The following SDF4 variants were observed in gnomAD, a reference collection of about 807,000 sequenced individuals.
SDF4 encodes the protein stromal cell derived factor 4.
A neutral mutation model predicts 34.2 loss-of-function variants in SDF4; 22 were observed. That is an observed-to-expected ratio of 0.64 (90% CI 0.46 to 0.92). SDF4 has a LOEUF of 0.92. SDF4 is among the 40% of genes least tolerant of loss of function. The probability of loss-of-function intolerance (pLI) is 0.00; values close to 1 mark genes in which losing one functional copy is unlikely to be tolerated. For synonymous variants in SDF4, 236 were observed against 203.1 expected (o/e 1.16, Z -1.38); for missense variants, 447 against 499.9 (o/e 0.89, Z 1.01).
chr1:1,223,357 C>T lies in SDF4; in HGVS notation c.443G>A (p.Gly148Asp). Residue 148 changes from glycine (G) to aspartate (D), a missense_variant and splice_region_variant, in exon 4 of 7, where the codon GGT (glycine) becomes GAT (aspartate). Transcript: ENST00000360001. ...HFRAVDPDGD[G>D]HVSWDEYKVK... The stretch of plus-strand genomic sequence containing the variant: ...CTTATACTCGTCCCAAGACACGTGA[C>T]CTGGAAGAGCAGATCACACCTGTCA... 3 of 1,601,348 alleles carry T rather than the reference C, an allele frequency of 1.9e-6. No individual in the cohort carries two copies. The highest frequency in any genetic ancestry group is 2.6e-6 in the Non-Finnish European group (3 of 1,170,480).
Position 1,218,609 on chromosome 1 carries a change from G to A in SDF4, c.740C>T (p.Ser247Phe), listed in dbSNP as rs1232969005. 4 of 1,614,002 alleles carry A rather than the reference G, an allele frequency of 2.5e-6. No homozygotes were observed. Among genetic ancestry groups the A allele is most frequent in the East Asian group, 4.5e-5 (2 of 44,880 alleles). ...DLDQDGDKQL[S>F]VPEFISLPVG... The stretch of plus-strand genomic sequence containing the variant: ...GGGCAGGGAGATGAACTCGGGCACA[G>A]AGAGCTGCTTGTCACCGTCCTGGTC... Residue 247 changes from serine to phenylalanine, a missense_variant, in exon 6 of 7, where the codon TCT (serine) becomes TTT (phenylalanine). By Grantham distance (155) the Ser-to-Phe change is radical. Coordinates refer to ENST00000360001, the MANE Select transcript of SDF4 (RefSeq NM_016176.6). This position sits in a 1 kb window ranked among gnomAD's most constrained non-coding sequence, Gnocchi z 7.9.
At chr1:1,226,954 C>T (rs888311182) in intron 2 of SDF4, among the ~76,000 whole-genome samples, 47 of 152,166 alleles carry the variant, frequency 3.1e-4, no homozygotes, top group African/African-American at 1.1e-3. Context: ...GCAGCCTCTT[C>T]GTGGGTTGGT....
Position 1,217,447 on chromosome 1 carries a change from C to T in SDF4, c.*65G>A. On this transcript the variant is annotated 3_prime_UTR_variant, in exon 7 of 7. Coordinates refer to ENST00000360001, the MANE Select transcript of SDF4 (RefSeq NM_016176.6). The surrounding 1 kb of genome is among the most constrained non-coding windows in gnomAD (Gnocchi z 8.5). ...GGTGGGGTCCGGGACAGCCACGGAG[C>T]CCGGAGTCACCCGCGAGGCCGCCCC... 1 of 1,333,814 alleles carries T rather than the reference C, an allele frequency of 7.5e-7. No individual in the cohort carries two copies. The highest frequency in any genetic ancestry group is 9.7e-7 in the Non-Finnish European group (1 of 1,030,770). 82.6% of individuals were successfully genotyped at this position (1,333,814 alleles called of 1,614,324 possible). A position where few individuals can be genotyped will look rare whatever the true frequency, so the allele number is the denominator to read the frequency against.
At chr1:1,223,154 G>T in intron 4 of SDF4, 90 bp downstream of exon 4, 2 of 901,940 alleles carry the variant, frequency 2.2e-6, no homozygotes, top group South Asian at 2.7e-5. Flanking sequence ...ACTCATACAC[G>T]ACACACACGG....
In SDF4 at chr1:1,223,987, G is replaced by A. The variant is rs752964238; in HGVS notation, c.306-19C>T. The A allele has an allele frequency of 5.6e-6, 9 of 1,607,876 alleles. No individual in the cohort carries two copies. Among genetic ancestry groups the A allele is most frequent in the Non-Finnish European group, 4.2e-6 (5 of 1,179,320 alleles). ...ATCCACCCTGCAAGACAGCAAATGGGCAGGTGGCCGTCAGACTGGGCCCCC... is the reference window on the plus strand; with the variant it reads ...ATCCACCCTGCAAGACAGCAAATGGACAGGTGGCCGTCAGACTGGGCCCCC... On this transcript the variant is annotated intron_variant, in intron 2 of 6. Transcript: ENST00000360001.
chr1:1,231,079 T>C (rs1293781770), intron 1 of SDF4, among the ~76,000 whole-genome samples: 2 of 152,162 alleles, frequency 1.3e-5, no homozygotes, highest in African/African-American at 4.8e-5. Context: ...AACAAAAAGA[T>C]AAGACCCTGT....
At position 1,231,034 on chromosome 1, in the gene SDF4, C is replaced by T. The variant is rs181586022; in HGVS notation, c.-175+858G>A. On this transcript the variant is annotated intron_variant, in intron 1 of 6. Coordinates refer to ENST00000360001, the MANE Select transcript of SDF4 (RefSeq NM_016176.6). Reference sequence around the variant, plus strand: ...AGGAGGATCGTGAGACCAGCCTGGGCAACACAGTGAGACTGCGTCTCTTTA... The same window carrying T: ...AGGAGGATCGTGAGACCAGCCTGGGTAACACAGTGAGACTGCGTCTCTTTA... Among the ~76,000 whole-genome samples, 219 of 152,262 alleles carry T rather than the reference C, an allele frequency of 1.4e-3. 1 individual carries two copies. The highest frequency in any genetic ancestry group is 0.01 in the East Asian group (53 of 5,182).
At chr1:1,229,104 C>T (rs1194428557) in intron 1 of SDF4, among the ~76,000 whole-genome samples, 158 bp from the exon 2 acceptor site, 3 of 151,974 alleles carry the variant, frequency 2.0e-5, no homozygotes, top group Admixed American at 2.0e-4. Flanking sequence ...CCAGACCACA[C>T]GTGGCATTGT....
chr1:1,228,217 C>G (rs999477280), intron 2 of SDF4, among the ~76,000 whole-genome samples: 1 of 152,238 alleles, frequency 6.6e-6, no homozygotes, highest in Non-Finnish European at 1.5e-5. Flanking sequence ...CTAGGGACGG[C>G]CACACAGGCC....
chr1:1,228,428 C>T lies in SDF4; in HGVS notation c.305+40G>A, dbSNP rs764292103. The T allele has an allele frequency of 3.9e-5, 59 of 1,495,468 alleles. No homozygotes were observed. The African/African-American group carries it at 6.0e-4, about 15-fold the overall frequency. 92.6% of individuals were successfully genotyped at this position (1,495,468 alleles called of 1,614,324 possible). A position where few individuals can be genotyped will look rare whatever the true frequency, so the allele number is the denominator to read the frequency against. The stretch of plus-strand genomic sequence containing the variant: ...GGATAGGAACACACAGGCGAGCGCA[C>T]GCGGACAGCCCCCCAGTCTGGGCAC... On this transcript the variant is annotated intron_variant, in intron 2 of 6. Coordinates refer to ENST00000360001, the MANE Select transcript of SDF4 (RefSeq NM_016176.6).
At chr1:1,220,425 G>A in intron 4 of SDF4, 1 of 1,181,062 alleles carries the variant, frequency 8.5e-7, no homozygotes, top group Non-Finnish European at 1.1e-6. Context: ...CAGGAGCCAT[G>A]CAGGGAGGGG....
chr1:1,220,570 C>T (rs905808782), intron 4 of SDF4: 46 of 1,281,182 alleles, frequency 3.6e-5, no homozygotes, highest in Non-Finnish European at 2.5e-5. Flanking sequence ...GTCGGGGAGG[C>T]CAAGACGGAT....
At chr1:1,224,846 A>G (rs75165450) in intron 2 of SDF4, among the ~76,000 whole-genome samples, 17,418 of 152,232 alleles carry the variant, frequency 0.11, 1,126 homozygotes, top group East Asian at 0.17. Context: ...CTGGAATGCG[A>G]AGGTTGCAGT....
At chr1:1,226,993 C>T (rs1191612752) in intron 2 of SDF4, among the ~76,000 whole-genome samples, 2 of 152,174 alleles carry the variant, frequency 1.3e-5, no homozygotes, top group Admixed American at 6.5e-5. Context: ...ACTCAGGCCA[C>T]GCAAGGACCC....
At chr1:1,227,596 G>A (rs971586044) in intron 2 of SDF4, among the ~76,000 whole-genome samples, 2 of 152,198 alleles carry the variant, frequency 1.3e-5, no homozygotes, top group African/African-American at 4.8e-5. Context: ...ACCCTGGCTG[G>A]CCTGGGGGAC....
In SDF4 at chr1:1,218,452, G is replaced by T. The variant is rs1185159001; in HGVS notation, c.891+6C>A. ...GGCTCCGGGACACGGCTGCGCCAGGGCTCACCTCCAGCTCCTCGGCGGTCA... is the reference window on the plus strand; with the variant it reads ...GGCTCCGGGACACGGCTGCGCCAGGTCTCACCTCCAGCTCCTCGGCGGTCA... On this transcript the variant is annotated splice_donor_region_variant and intron_variant, in intron 6 of 6. Coordinates refer to ENST00000360001, the MANE Select transcript of SDF4 (RefSeq NM_016176.6). The surrounding 1 kb of genome is among the most constrained non-coding windows in gnomAD (Gnocchi z 7.9). The T allele has an allele frequency of 1.9e-6, 3 of 1,609,250 alleles. No homozygotes were observed. In the Admixed American group the frequency reaches 5.0e-5, roughly 27 times the overall value.
intron 4 of SDF4, chr1:1,219,689 C>T: frequency 4.1e-6 from 4 of 986,460 alleles, no homozygotes; most frequent in Non-Finnish European, 4.8e-6. Context: ...GAGGTCCCCA[C>T]ACATCCCAAG....
intron 3 of SDF4, 46 bp downstream of exon 3, chr1:1,223,786 G>GGCCCCCCCCCCCCCCCCCCCCCCCCC: frequency 7.7e-5 from 45 of 585,238 alleles, no homozygotes; most frequent in Non-Finnish European, 1.0e-4. Flanking sequence ...CCATGGCCCT[G>GGCCCCCCCCCCCCCCCCCCCCCCCCC]CCCGCCCCGC....
At chr1:1,224,638 G>A (rs1317486197) in intron 2 of SDF4, among the ~76,000 whole-genome samples, 2 of 152,190 alleles carry the variant, frequency 1.3e-5, no homozygotes, top group Non-Finnish European at 2.9e-5. Context: ...TAGGCAGGAC[G>A]CAGTGGCCAC....
Sources: gnomAD v4.1 joint callset for allele counts (sites outside exome capture counted in the v4.1 genomes callset) on GRCh38, gnomAD v4.1.1 for gene constraint, Gnocchi (gnomAD v3.1) non-coding constraint, MANE v1.5 for transcripts, NCBI Gene and HGNC (gene_info 2026-07-23, HGNC 2026-07-21) for gene names.